The following FRMD3 variants were observed in gnomAD, a reference collection of about 807,000 sequenced individuals.
FRMD3 encodes FERM domain-containing protein 3.
FRMD3 carries 33 observed loss-of-function variants against 70.2 expected under a neutral mutation model. That is an observed-to-expected ratio of 0.47 (90% confidence interval 0.36 to 0.63). The LOEUF is 0.63. Among genes scored for constraint, FRMD3 ranks in the 20% least tolerant of loss-of-function variants. The pLI is 0.00. For synonymous variants in FRMD3, 279 were observed against 255.9 expected, an observed-to-expected ratio of 1.09 and a Z score of -0.86; for missense variants, 632 against 711.4, an observed-to-expected ratio of 0.89 and a Z score of 1.27.
intron 2 of FRMD3, among the ~76,000 whole-genome samples, chr9:83,375,471 C>T (rs555701281): frequency 6.6e-6 from 1 of 152,326 alleles, no homozygotes; most frequent in East Asian, 1.9e-4. Flanking sequence ...AACAGCTATT[C>T]TTCCCCAAAG....
At chr9:83,334,071 T>G (rs1227948827) in intron 6 of FRMD3, among the ~76,000 whole-genome samples, 2 of 152,084 alleles carry the variant, frequency 1.3e-5, no homozygotes, top group Admixed American at 6.6e-5. Context: ...CCATCTCCTA[T>G]CAATTCAAAC....
chr9:83,409,305 C>T (rs1826214934), intron 1 of FRMD3, among the ~76,000 whole-genome samples: 1 of 152,162 alleles, frequency 6.6e-6, no homozygotes, highest in Non-Finnish European at 1.5e-5. Context: ...GGGATCAGCT[C>T]CCCACTCTTC....
intron 13 of FRMD3, among the ~76,000 whole-genome samples, chr9:83,269,245 T>A (rs1312686675): frequency 6.6e-6 from 1 of 152,236 alleles, no homozygotes; most frequent in Non-Finnish European, 1.5e-5. Flanking sequence ...TTTATCATCA[T>A]GTTAAAACAA....
At chr9:83,522,386 C>T (rs1214806110) in intron 1 of FRMD3, among the ~76,000 whole-genome samples, 1 of 152,110 alleles carries the variant, frequency 6.6e-6, no homozygotes, top group Non-Finnish European at 1.5e-5. Context: ...GAGAAGCCTT[C>T]AGCGGCTGGG....
intron 6 of FRMD3, among the ~76,000 whole-genome samples, chr9:83,317,521 T>C (rs1328158760): frequency 6.6e-6 from 1 of 152,234 alleles, no homozygotes; most frequent in Non-Finnish European, 1.5e-5. Flanking sequence ...TCATTATTCA[T>C]TGAACTGTCA....
intron 13 of FRMD3, among the ~76,000 whole-genome samples, chr9:83,272,570 G>C (rs181431718): frequency 1.3e-5 from 2 of 149,696 alleles, no homozygotes; most frequent in Non-Finnish European, 3.0e-5. Context: ...GCCGCCCATC[G>C]TCTGGGATGT....
Position 83,341,730 on chromosome 9 carries a change from C to T in FRMD3, c.472+1460G>A, listed in dbSNP as rs541493243. Among the ~76,000 whole-genome samples, 10 of 152,220 alleles carry T rather than the reference C, an allele frequency of 6.6e-5. No individual in the cohort carries two copies. In the South Asian group the frequency reaches 2.1e-3, roughly 32 times the overall value. ...GGGAAAATACCCAAGGGTTTTAACA[C>T]CTCTGCCAAAATCTGCTGTCCAGGA... is the stretch of plus-strand genomic sequence containing the variant. On this transcript the variant is annotated intron_variant, in intron 5 of 13. Coordinates refer to ENST00000304195, the MANE Select transcript of FRMD3 (RefSeq NM_174938.6).
In FRMD3 at chr9:83,526,795, A is replaced by T. The variant is rs191890891; in HGVS notation, c.147+11290T>A. 1.3e-3 allele frequency among the ~76,000 whole-genome samples: 201 copies of T among 152,180 alleles called. 2 individuals are homozygous for T. The highest frequency in any genetic ancestry group is 4.6e-3 in the African/African-American group (191 of 41,530). ...AAATGTTTATTGAATAAGATTGATG[A>T]TGTTTCAAACAAACTTTAATTTACT... On this transcript the variant is annotated intron_variant, in intron 1 of 13. Coordinates refer to ENST00000304195, the MANE Select transcript of FRMD3 (RefSeq NM_174938.6).
intron 3 of FRMD3, among the ~76,000 whole-genome samples, chr9:83,363,238 G>A (rs72743085): frequency 0.3 from 46,086 of 151,856 alleles, 8,197 homozygotes; most frequent in African/African-American, 0.5. Context: ...TCTTCTACAC[G>A]CTATATAGTC....
intron 1 of FRMD3, among the ~76,000 whole-genome samples, chr9:83,479,748 AAG>A (rs1412279917): frequency 9.2e-6 from 1 of 109,110 alleles, no homozygotes; most frequent in African/African-American, 3.7e-5. Flanking sequence ...AGAAAAAGAA[AAG>A]AGAAGAAGAA....
intron 1 of FRMD3, among the ~76,000 whole-genome samples, chr9:83,392,079 A>T (rs74687372): frequency 7.0e-6 from 1 of 143,546 alleles, no homozygotes; most frequent in Non-Finnish European, 1.5e-5. Flanking sequence ...CACCACAAAG[A>T]AAAAAAAAAA....
intron 1 of FRMD3, among the ~76,000 whole-genome samples, chr9:83,435,362 G>A (rs999000352): frequency 1.3e-5 from 2 of 152,120 alleles, no homozygotes; most frequent in Non-Finnish European, 2.9e-5. Context: ...CTGCTTAAGA[G>A]AAAGTTTGTG....
chr9:83,265,070 T>C (rs1436088592), intron 13 of FRMD3, among the ~76,000 whole-genome samples: 2 of 151,734 alleles, frequency 1.3e-5, no homozygotes, highest in Non-Finnish European at 2.9e-5. Context: ...AGAAAGCAAA[T>C]AGTTTGCACA....
intron 1 of FRMD3, among the ~76,000 whole-genome samples, chr9:83,534,396 A>G (rs1829849010): frequency 6.6e-6 from 1 of 152,246 alleles, no homozygotes; most frequent in Non-Finnish European, 1.5e-5. Flanking sequence ...AAATACTACC[A>G]AAATTATATG....
intron 1 of FRMD3, among the ~76,000 whole-genome samples, chr9:83,429,931 A>T (rs940203246): frequency 1.3e-5 from 2 of 152,068 alleles, no homozygotes; most frequent in Non-Finnish European, 2.9e-5. Context: ...TCCCAAGCCA[A>T]CCCCAGATCA....
intron 1 of FRMD3, among the ~76,000 whole-genome samples, chr9:83,470,194 A>T (rs1828235305): frequency 6.6e-6 from 1 of 152,188 alleles, no homozygotes; most frequent in South Asian, 2.1e-4. Context: ...CTGAAGTTCC[A>T]TCTATAGTTC....
chr9:83,532,125 A>G (rs909732839), intron 1 of FRMD3, among the ~76,000 whole-genome samples: 2 of 152,228 alleles, frequency 1.3e-5, no homozygotes. Flanking sequence ...ATCCTTACAA[A>G]AAGTCCATGA....
chr9:83,350,932 A>G, intron 3 of FRMD3: 1 of 711,510 alleles, frequency 1.4e-6, no homozygotes, highest in Non-Finnish European at 1.7e-6. Context: ...AACATATAAA[A>G]TGAACATCTT....
intron 1 of FRMD3, among the ~76,000 whole-genome samples, chr9:83,510,118 C>T (rs941281681): frequency 9.9e-5 from 15 of 152,134 alleles, no homozygotes; most frequent in Non-Finnish European, 2.1e-4. Context: ...CCCCCAGCCC[C>T]GCAGATGAAA....
Sources: gnomAD v4.1 joint callset for allele counts (sites outside exome capture counted in the v4.1 genomes callset) on GRCh38, gnomAD v4.1.1 for gene constraint, MANE v1.5 for transcripts, NCBI Gene and HGNC (gene_info 2026-07-23, HGNC 2026-07-21) for gene names.